TSHZ3: variants seen among roughly 807,000 people sequenced by gnomAD.
TSHZ3 encodes teashirt homolog 3.
A neutral mutation model predicts 64.5 loss-of-function variants in TSHZ3; 10 were observed. The observed-to-expected ratio is 0.16, with a 90% CI of 0.10 to 0.26. The LOEUF (loss-of-function observed/expected upper bound fraction) is 0.26, where lower values mean the gene tolerates loss of function less well. Ranked by LOEUF, TSHZ3 falls within the 10% of genes least tolerant of loss-of-function variation. The probability of loss-of-function intolerance (pLI) is 1.00; values close to 1 mark genes in which losing one functional copy is unlikely to be tolerated. For missense variants in TSHZ3, 1,242 were observed against 1,421.7 expected (o/e 0.87, Z 2.03); for synonymous variants, 608 against 593.1 (o/e 1.03, Z -0.36).
chr19:31,235,255 C>G (rs894610681), intron 3 of TSHZ3, among the ~76,000 whole-genome samples: 1 of 152,160 alleles, frequency 6.6e-6, no homozygotes, highest in African/African-American at 2.4e-5. Context: ...ACAGATTAAT[C>G]TACTATTGTC....
At chr19:31,214,909 G>GAAAAAAAA (rs950173415) in intron 4 of TSHZ3, among the ~76,000 whole-genome samples, 2 of 41,862 alleles carry the variant, frequency 4.8e-5, no homozygotes, top group Admixed American at 2.9e-4. Context: ...CTCTGTCTCA[G>GAAAAAAAA]AAAAAAAAAA....
intron 6 of TSHZ3, among the ~76,000 whole-genome samples, chr19:31,152,734 TG>T (rs1974257876): frequency 6.6e-6 from 1 of 152,180 alleles, no homozygotes; most frequent in African/African-American, 2.4e-5. Flanking sequence ...AGTCCATTCC[TG>T]ATCCTAACTT....
chr19:31,245,618 A>G (rs1975749614), intron 1 of TSHZ3, among the ~76,000 whole-genome samples: 1 of 151,820 alleles, frequency 6.6e-6, no homozygotes. Context: ...AGCTCTGGAC[A>G]TGTGAAAATC....
At chr19:31,329,681 T>C (rs1917022390) in intron 1 of TSHZ3, among the ~76,000 whole-genome samples, 1 of 152,212 alleles carries the variant, frequency 6.6e-6, no homozygotes, top group Non-Finnish European at 1.5e-5. Context: ...AGATGCATTA[T>C]TTATGGTGTC....
At chr19:31,181,991 C>T (rs1974725034) in intron 5 of TSHZ3, among the ~76,000 whole-genome samples, 2 of 152,162 alleles carry the variant, frequency 1.3e-5, no homozygotes, top group Admixed American at 1.3e-4. Flanking sequence ...GCAGGCATCT[C>T]CACTGCAGGT....
chr19:31,205,478 G>A (rs1472351703), intron 4 of TSHZ3, among the ~76,000 whole-genome samples: 2 of 152,146 alleles, frequency 1.3e-5, no homozygotes, highest in Non-Finnish European at 2.9e-5. Context: ...GGCCGTTTAT[G>A]GCTCCTGAAA....
At chr19:31,193,944 A>G (rs1431177486) in intron 5 of TSHZ3, among the ~76,000 whole-genome samples, 1 of 152,194 alleles carries the variant, frequency 6.6e-6, no homozygotes, top group Admixed American at 6.5e-5. Context: ...CTCTATCTTA[A>G]CAACATGTAA....
intron 5 of TSHZ3, among the ~76,000 whole-genome samples, chr19:31,181,147 C>T (rs1260108900): frequency 6.6e-6 from 1 of 152,036 alleles, no homozygotes; most frequent in Non-Finnish European, 1.5e-5. Context: ...GATCCACTTA[C>T]CAGTTTTTGA....
intron 1 of TSHZ3, among the ~76,000 whole-genome samples, chr19:31,264,316 C>T (rs556668536): frequency 9.8e-5 from 15 of 152,328 alleles, no homozygotes; most frequent in African/African-American, 3.4e-4. Flanking sequence ...CCTGCACAAA[C>T]CTGCAGAGGT....
At chr19:31,272,503 T>C (rs894904209), downstream of TSHZ3, among the ~76,000 whole-genome samples, 3 of 152,148 alleles carry the variant, frequency 2.0e-5, no homozygotes, top group African/African-American at 7.2e-5. Context: ...GCCAGGGAGA[T>C]TGGGTCCTCA....
At chr19:31,348,956 C>G in intron 1 of TSHZ3, 1 of 521,398 alleles carries the variant, frequency 1.9e-6, no homozygotes. Context: ...CCGCGAGCGG[C>G]TCCCCAAATG....
downstream of TSHZ3, among the ~76,000 whole-genome samples, chr19:31,272,026 G>A (rs1283076129): frequency 6.6e-6 from 1 of 152,040 alleles, no homozygotes. Context: ...ATCTCAAAAG[G>A]ACTGTGGCAG....
rs1568367710 is a variant in TSHZ3, at chr19:31,279,416, A to T, written c.377T>A (p.Leu126His). 2 of 1,614,102 alleles carry T rather than the reference A, an allele frequency of 1.2e-6. No individual in the cohort carries two copies. The highest frequency in any genetic ancestry group is 1.7e-6 in the Non-Finnish European group (2 of 1,180,026). The change falls in exon 2 of 2, where the codon CTC becomes CAC. Residue 126 changes from leucine (L) to histidine (H), a missense_variant. By Grantham distance (99) the Leu-to-His change is moderately conservative. Transcript: ENST00000240587. The surrounding 1 kb of genome is among the most constrained non-coding windows in gnomAD (Gnocchi z 6.4). The stretch of plus-strand genomic sequence containing the variant: ...GAGGTTGGACCAGTAGGAGTTGGAG[A>T]GGAAGTTGTTGTACACGGCCTTCAT... ...EQMKAVYNNFLSNSYWSNLNL... is the reference protein window; with the variant it reads ...EQMKAVYNNFHSNSYWSNLNL...
At chr19:31,257,506 G>A (rs1975927369) in intron 1 of TSHZ3, among the ~76,000 whole-genome samples, 1 of 152,232 alleles carries the variant, frequency 6.6e-6, no homozygotes, top group African/African-American at 2.4e-5. Context: ...CACCACTGCT[G>A]TGGGCAATGG....
chr19:31,167,150 T>C (rs1974465632), intron 5 of TSHZ3, among the ~76,000 whole-genome samples: 1 of 152,202 alleles, frequency 6.6e-6, no homozygotes, highest in African/African-American at 2.4e-5. Flanking sequence ...TTTGCATCTA[T>C]ATATTTAAAT....
At chr19:31,264,537 C>T (rs1052462974) in intron 1 of TSHZ3, among the ~76,000 whole-genome samples, 1 of 152,164 alleles carries the variant, frequency 6.6e-6, no homozygotes, top group Non-Finnish European at 1.5e-5. Context: ...AGGAGCAGGG[C>T]CCAGGGCCAG....
At chr19:31,341,630 GACACACACACACACACACAC>G (rs57786287) in intron 1 of TSHZ3, among the ~76,000 whole-genome samples, 1 of 137,988 alleles carries the variant, frequency 7.2e-6, no homozygotes, top group Non-Finnish European at 1.6e-5. Context: ...CTCTCTCTCT[GACACACACACACACACACAC>G]ACACACACAC....
intron 5 of TSHZ3, among the ~76,000 whole-genome samples, chr19:31,200,996 G>A (rs984321534): frequency 9.7e-6 from 1 of 102,782 alleles, no homozygotes; most frequent in African/African-American, 2.8e-5. Flanking sequence ...AAAGCAGTGT[G>A]GTGTCAGGGG....
intron 3 of TSHZ3, among the ~76,000 whole-genome samples, chr19:31,234,206 A>T (rs561101799): frequency 2.0e-5 from 3 of 152,286 alleles, no homozygotes; most frequent in African/African-American, 7.2e-5. Flanking sequence ...AATTAACTTC[A>T]TATATTCATC....
Sources: gnomAD v4.1 joint callset for allele counts (sites outside exome capture counted in the v4.1 genomes callset) on GRCh38, gnomAD v4.1.1 for gene constraint, Gnocchi (gnomAD v3.1) non-coding constraint, MANE v1.5 for transcripts, NCBI Gene and HGNC (gene_info 2026-07-23, HGNC 2026-07-21) for gene names.